The following LMBRD1 variants were observed in gnomAD, a reference collection of about 807,000 sequenced individuals.
LMBRD1 encodes lysosomal cobalamin transport escort protein LMBD1.
A neutral mutation model predicts 74.8 loss-of-function variants in LMBRD1; 64 were observed. That is an observed-to-expected ratio of 0.86 (90% CI 0.70 to 1.05). The LOEUF (loss-of-function observed/expected upper bound fraction) is 1.05, where lower values mean the gene tolerates loss of function less well. Ranked by LOEUF, LMBRD1 falls within the 50% of genes least tolerant of loss-of-function variation. The pLI is 0.00. For missense variants in LMBRD1, 652 were observed against 645.9 expected, an observed-to-expected ratio of 1.01 and a Z score of -0.10; for synonymous variants, 204 against 216.3, an observed-to-expected ratio of 0.94 and a Z score of 0.50.
At chr6:69,790,209 C>A in intron 2 of LMBRD1, 87 bp downstream of exon 2, 1 of 907,688 alleles carries the variant, frequency 1.1e-6, no homozygotes, top group Non-Finnish European at 1.8e-6. Flanking sequence ...TTCCCAGATA[C>A]AAAAATAAAA....
chr6:69,696,438 T>G (rs1378715521), intron 14 of LMBRD1, among the ~76,000 whole-genome samples: 1 of 152,142 alleles, frequency 6.6e-6, no homozygotes, highest in Non-Finnish European at 1.5e-5. Flanking sequence ...CTTCAAACAC[T>G]TCATTACCTC....
intron 3 of LMBRD1, among the ~76,000 whole-genome samples, chr6:69,760,650 T>A (rs1247518843): frequency 6.6e-6 from 1 of 152,190 alleles, no homozygotes; most frequent in Non-Finnish European, 1.5e-5. Flanking sequence ...ACCTGTGTAA[T>A]CTCAGCTTGA....
intron 6 of LMBRD1, among the ~76,000 whole-genome samples, chr6:69,738,265 G>A (rs1329079326): frequency 6.6e-6 from 1 of 151,996 alleles, no homozygotes; most frequent in Non-Finnish European, 1.5e-5. Context: ...AAAATTAAGA[G>A]GAAAATTACT....
intron 14 of LMBRD1, among the ~76,000 whole-genome samples, chr6:69,685,065 A>T (rs1268945724): frequency 6.6e-6 from 1 of 152,188 alleles, no homozygotes; most frequent in East Asian, 1.9e-4. Flanking sequence ...AAGACTATAC[A>T]TTGAGAGAGA....
intron 14 of LMBRD1, among the ~76,000 whole-genome samples, chr6:69,695,677 C>T (rs1765980899): frequency 6.6e-6 from 1 of 151,620 alleles, no homozygotes; most frequent in African/African-American, 2.4e-5. Flanking sequence ...TTTATTTTTC[C>T]CAAATTATTT....
At chr6:69,719,586 A>C (rs1329298073) in intron 7 of LMBRD1, among the ~76,000 whole-genome samples, 1 of 152,148 alleles carries the variant, frequency 6.6e-6, no homozygotes, top group Non-Finnish European at 1.5e-5. Context: ...AAGTATTTTA[A>C]ATATTTTCCA....
At chr6:69,680,929 T>A (rs761536571) in intron 14 of LMBRD1, among the ~76,000 whole-genome samples, 5 of 152,096 alleles carry the variant, frequency 3.3e-5, no homozygotes, top group Non-Finnish European at 7.4e-5. Flanking sequence ...TTTCTTTCTA[T>A]AATTATCCAA....
intron 8 of LMBRD1, among the ~76,000 whole-genome samples, chr6:69,717,461 A>G (rs577457157): frequency 6.6e-6 from 1 of 152,238 alleles, no homozygotes; most frequent in African/African-American, 2.4e-5. Context: ...CTTCCTTTCC[A>G]TATTTTCTTA....
intron 3 of LMBRD1, among the ~76,000 whole-genome samples, chr6:69,757,442 T>G (rs923662497): frequency 6.6e-6 from 1 of 152,206 alleles, no homozygotes; most frequent in Admixed American, 6.5e-5. Context: ...TGATTCAAAA[T>G]AGGTTTAAAA....
intron 9 of LMBRD1, among the ~76,000 whole-genome samples, chr6:69,703,124 CG>C (rs1766170036): frequency 6.6e-6 from 1 of 151,828 alleles, no homozygotes; most frequent in Non-Finnish European, 1.5e-5. Context: ...GCTAGGATTC[CG>C]CAAGAGAATT....
chr6:69,674,870 G>A lies in LMBRD1; in HGVS notation c.*1288C>T, dbSNP rs1483314297. Among the ~76,000 whole-genome samples, 3 of 152,182 alleles carry A rather than the reference G, an allele frequency of 2.0e-5. No individual in the cohort carries two copies. The highest frequency in any genetic ancestry group is 7.2e-5 in the African/African-American group (3 of 41,438). ...TGCCTGTAATCCCAGCTACTCAGGAGGCTGAGGCAGGAGAATTGCTTGAAT... is the reference window on the plus strand; with the variant it reads ...TGCCTGTAATCCCAGCTACTCAGGAAGCTGAGGCAGGAGAATTGCTTGAAT... On this transcript the variant is annotated 3_prime_UTR_variant, in exon 16 of 16. Transcript: ENST00000649934.
intron 14 of LMBRD1, among the ~76,000 whole-genome samples, chr6:69,680,695 A>G (rs957096183): frequency 1.3e-5 from 2 of 152,124 alleles, no homozygotes; most frequent in African/African-American, 2.4e-5. Flanking sequence ...ATCCACACAC[A>G]CAATAAGTAA....
Position 69,760,793 on chromosome 6 carries a change from C to T in LMBRD1, c.308-8437G>A, listed in dbSNP as rs150382977. 3.5e-3 allele frequency among the ~76,000 whole-genome samples: 531 copies of T among 152,250 alleles called. 5 individuals are homozygous for T. Among genetic ancestry groups the T allele is most frequent in the African/African-American group, 0.012 (483 of 41,538 alleles). ...GCTGTATCCTTCTCTCACTCTGAGACGCCCTGGCTGCCATGTTGTGAGCTG... is the reference window on the plus strand; with the variant it reads ...GCTGTATCCTTCTCTCACTCTGAGATGCCCTGGCTGCCATGTTGTGAGCTG... On this transcript the variant is annotated intron_variant, in intron 3 of 15. Coordinates refer to ENST00000649934, the MANE Select transcript of LMBRD1 (RefSeq NM_018368.4).
In LMBRD1 at chr6:69,701,617, T is replaced by C. The variant is rs982512804; in HGVS notation, c.981-72A>G. ...TTCAGCAAATTTAGAAAAAATATAA[T>C]TTAAGCATGCAAATACACCTGAGTC... On this transcript the variant is annotated intron_variant, in intron 10 of 15. Transcript: ENST00000649934. 8.6e-5 allele frequency: 81 copies of C among 946,502 alleles called. No homozygotes were observed. In the Middle Eastern group the frequency reaches 3.1e-3, roughly 36 times the overall value. The allele number at this position is 946,502 out of a possible 1,614,324, so 58.6% of individuals were successfully genotyped here.
chr6:69,697,206 T>C (rs1229027128), intron 14 of LMBRD1, among the ~76,000 whole-genome samples: 1 of 151,994 alleles, frequency 6.6e-6, no homozygotes, highest in Non-Finnish European at 1.5e-5. Context: ...GAATTAAAAA[T>C]TGTTCTAGGT....
At chr6:69,741,136 ATTTC>A (rs1483855583) in intron 6 of LMBRD1, among the ~76,000 whole-genome samples, 4 of 152,244 alleles carry the variant, frequency 2.6e-5, no homozygotes, top group South Asian at 4.1e-4. Flanking sequence ...TATCCAGTAC[ATTTC>A]TTTAACATAT....
intron 14 of LMBRD1, among the ~76,000 whole-genome samples, chr6:69,690,683 T>A (rs1428682513): frequency 6.6e-6 from 1 of 152,186 alleles, no homozygotes; most frequent in Admixed American, 6.5e-5. Flanking sequence ...GGATACCACA[T>A]TTGCCCTGAT....
chr6:69,784,994 T>C (rs182323832), intron 2 of LMBRD1, among the ~76,000 whole-genome samples: 62 of 152,280 alleles, frequency 4.1e-4, no homozygotes, highest in Middle Eastern at 6.8e-3. Context: ...GCATTCCTTA[T>C]CACTTCTTCC....
At chr6:69,782,671 ACT>A (rs1765863013) in intron 2 of LMBRD1, among the ~76,000 whole-genome samples, 2 of 132,162 alleles carry the variant, frequency 1.5e-5, no homozygotes, top group Non-Finnish European at 3.2e-5. Flanking sequence ...ACAGAGCAAG[ACT>A]CTGTCTCAAG....
Sources: allele counts gnomAD v4.1 joint callset (sites outside exome capture counted in the v4.1 genomes callset), GRCh38; gene constraint gnomAD v4.1.1; transcripts MANE v1.5; gene names NCBI Gene and HGNC (gene_info 2026-07-23, HGNC 2026-07-21).